Variants in HK1 observed in about 807,000 individuals in gnomAD.
The protein encoded by HK1 is hexokinase 1, also known as hexokinase-1.
In HK1, 28 loss-of-function variants were observed where a neutral mutation model predicts 91.6. That is an observed-to-expected ratio of 0.31 (90% CI 0.23 to 0.42). HK1 has a LOEUF of 0.42. HK1 is among the 10% of genes least tolerant of loss of function. HK1 has a pLI of 1.00. For missense variants in HK1, 770 were observed against 1,219.8 expected (o/e 0.63, Z 5.49); for synonymous variants, 430 against 468.1 (o/e 0.92, Z 1.05).
At chr10:69,301,009 C>G (rs190527723) in intron 5 of HK1, 3 of 545,216 alleles carry the variant, frequency 5.5e-6, no homozygotes, top group Admixed American at 5.1e-5. Flanking sequence ...CTTTGGGAGG[C>G]TGAGGCAGGT....
At chr10:69,288,906 C>T (rs1845153347) in intron 3 of HK1, 2 of 744,836 alleles carry the variant, frequency 2.7e-6, no homozygotes, top group Non-Finnish European at 4.7e-6. Context: ...CCTGCCTCAG[C>T]CTCCCAGTAG....
At chr10:69,321,167 G>A (rs892562897) in intron 1 of HK1, among the ~76,000 whole-genome samples, 1 of 152,158 alleles carries the variant, frequency 6.6e-6, no homozygotes, top group South Asian at 2.1e-4. Context: ...CCTGCCAGGG[G>A]GTCCACTCAT....
At chr10:69,345,049 G>A (rs1458969477) in intron 2 of HK1, among the ~76,000 whole-genome samples, 1 of 152,098 alleles carries the variant, frequency 6.6e-6, no homozygotes, top group African/African-American at 2.4e-5. Flanking sequence ...ATGGACGCCA[G>A]GAAACTGCAG....
upstream of HK1, among the ~76,000 whole-genome samples, chr10:69,316,377 G>A (rs1846641443): frequency 6.6e-6 from 1 of 152,234 alleles, no homozygotes; most frequent in African/African-American, 2.4e-5. Context: ...TGACTTGGAT[G>A]GCATGAGGCC....
intron 1 of HK1, among the ~76,000 whole-genome samples, chr10:69,321,497 C>T (rs189827204): frequency 1.3e-5 from 2 of 152,230 alleles, no homozygotes; most frequent in Admixed American, 6.5e-5. Context: ...TGGTTCCCCC[C>T]CAGCGTGGGC....
At chr10:69,288,016 C>T (rs1210146200) in intron 2 of HK1, among the ~76,000 whole-genome samples, 2 of 151,810 alleles carry the variant, frequency 1.3e-5, no homozygotes, top group African/African-American at 2.4e-5. Flanking sequence ...GGCATGGTGG[C>T]CCATGCCTGT....
chr10:69,386,437 T>G lies in HK1; in HGVS notation c.1935+19T>G. The G allele has an allele frequency of 6.3e-7, 1 of 1,574,832 alleles. No individual in the cohort carries two copies. The highest frequency in any genetic ancestry group is 2.2e-5 in the East Asian group (1 of 44,548). ...GAGAGAGGTAACTATTAAAAGAATG[T>G]TTTTTAAAATCTTTACTGTTTTAGG... On this transcript the variant is annotated intron_variant, in intron 13 of 17. Transcript: ENST00000359426.
At chr10:69,397,395 G>T (rs1840190711) in intron 16 of HK1, among the ~76,000 whole-genome samples, 1 of 151,926 alleles carries the variant, frequency 6.6e-6, no homozygotes, top group Non-Finnish European at 1.5e-5. Flanking sequence ...AGCAAAGAAA[G>T]AAATCATAAA....
At chr10:69,276,877 T>C (rs999786437) in intron 1 of HK1, among the ~76,000 whole-genome samples, 2 of 151,542 alleles carry the variant, frequency 1.3e-5, no homozygotes, top group Admixed American at 1.3e-4. Context: ...GAAGGATTGA[T>C]AAATGTATCT....
chr10:69,358,949 G>A (rs1849278666), intron 2 of HK1, among the ~76,000 whole-genome samples: 1 of 151,910 alleles, frequency 6.6e-6, no homozygotes, highest in Non-Finnish European at 1.5e-5. Context: ...TTGAGAGGCT[G>A]AAGTGAGAGG....
At chr10:69,303,324 T>C (rs900256492) in intron 5 of HK1, among the ~76,000 whole-genome samples, 3 of 152,142 alleles carry the variant, frequency 2.0e-5, no homozygotes, top group African/African-American at 7.2e-5. Context: ...ATAACACACA[T>C]GTATTATCTA....
chr10:69,381,139 A>G (rs1839366619), intron 9 of HK1, among the ~76,000 whole-genome samples: 1 of 152,042 alleles, frequency 6.6e-6, no homozygotes, highest in African/African-American at 2.4e-5. Flanking sequence ...AAAAAATCAT[A>G]CACAGCTGGG....
chr10:69,389,516 A>C, intron 14 of HK1: 1 of 592,010 alleles, frequency 1.7e-6, no homozygotes, highest in South Asian at 1.7e-5. Context: ...AATGCTACAC[A>C]TTGCTTATGA....
chr10:69,376,232 A>G (rs550887882), intron 7 of HK1, among the ~76,000 whole-genome samples: 1 of 152,186 alleles, frequency 6.6e-6, no homozygotes, highest in South Asian at 2.1e-4. Flanking sequence ...ATAGGAGTGG[A>G]GGTGAAAGTT....
rs1839333076 is a variant in HK1, at chr10:69,380,428, TG to T, written c.1265+334del. Among the ~76,000 whole-genome samples the T allele has an allele frequency of 6.6e-6, 1 of 152,250 alleles. No individual in the cohort carries two copies. The highest frequency in any genetic ancestry group is 2.4e-5 in the African/African-American group (1 of 41,474). On this transcript the variant is annotated intron_variant, in intron 9 of 17. Coordinates refer to ENST00000359426, the MANE Select transcript of HK1 (RefSeq NM_000188.3). This position sits in a 1 kb window ranked among gnomAD's most constrained non-coding sequence, Gnocchi z 4.0. Reference sequence around the variant, plus strand: ...AGTCGATTCTTGCTGGTATTGCTTCTGCACTCTGTCGTTACCTCGCCCTGTC... The same window carrying T: ...AGTCGATTCTTGCTGGTATTGCTTCTCACTCTGTCGTTACCTCGCCCTGTC...
At chr10:69,291,267 G>A (rs939688495) in intron 3 of HK1, among the ~76,000 whole-genome samples, 1 of 152,234 alleles carries the variant, frequency 6.6e-6, no homozygotes, top group Non-Finnish European at 1.5e-5. Flanking sequence ...TCAATCTGAC[G>A]ACAGGCCCTC....
At chr10:69,344,854 C>T (rs1312788433) in intron 2 of HK1, among the ~76,000 whole-genome samples, 1 of 152,154 alleles carries the variant, frequency 6.6e-6, no homozygotes, top group African/African-American at 2.4e-5. Flanking sequence ...GTTCTGTGCT[C>T]TAGGGTGGGG....
chr10:69,332,385 T>TTTTC (rs1847776445), intron 1 of HK1, among the ~76,000 whole-genome samples: 2 of 133,406 alleles, frequency 1.5e-5, no homozygotes, highest in Non-Finnish European at 3.1e-5. Context: ...TTCTTTCTTT[T>TTTTC]TTTCTTTTTT....
chr10:69,355,608 G>A (rs1283983196), intron 2 of HK1, among the ~76,000 whole-genome samples: 1 of 151,970 alleles, frequency 6.6e-6, no homozygotes, highest in African/African-American at 2.4e-5. Flanking sequence ...TGGCCAACAT[G>A]GTGAAACCCC....
Sources: allele counts gnomAD v4.1 joint callset (sites outside exome capture counted in the v4.1 genomes callset), GRCh38; gene constraint gnomAD v4.1.1; non-coding constraint Gnocchi (gnomAD v3.1); transcripts MANE v1.5; gene names NCBI Gene and HGNC (gene_info 2026-07-23, HGNC 2026-07-21).